The following PHF3 variants were observed in gnomAD, a reference collection of about 807,000 sequenced individuals.
The protein encoded by PHF3 is PHD finger protein 3.
PHF3 carries 41 observed loss-of-function variants against 178.4 expected under a neutral mutation model. The observed-to-expected ratio is 0.23, with a 90% CI of 0.18 to 0.30. PHF3 has a LOEUF of 0.30. Among genes scored for constraint, PHF3 ranks in the 10% least tolerant of loss-of-function variants. The probability of loss-of-function intolerance (pLI) is 1.00; values close to 1 mark genes in which losing one functional copy is unlikely to be tolerated. For missense variants in PHF3, 2,346 were observed against 2,398.1 expected, an observed-to-expected ratio of 0.98 and a Z score of 0.45; for synonymous variants, 842 against 800.5, an observed-to-expected ratio of 1.05 and a Z score of -0.88.
At chr6:63,638,620 G>A (rs1764447807) in intron 1 of PHF3, among the ~76,000 whole-genome samples, 1 of 151,966 alleles carries the variant, frequency 6.6e-6, no homozygotes, top group Admixed American at 6.6e-5. Flanking sequence ...GGATTCTTAG[G>A]GTGCTGATTT....
intron 1 of PHF3, among the ~76,000 whole-genome samples, chr6:63,644,368 A>G (rs1020735462): frequency 1.3e-5 from 2 of 152,136 alleles, no homozygotes; most frequent in African/African-American, 4.8e-5. Context: ...ATTATTTTTA[A>G]TTACCAGAAT....
chr6:63,639,143 AT>A (rs1391580816), intron 1 of PHF3, among the ~76,000 whole-genome samples: 1 of 152,166 alleles, frequency 6.6e-6, no homozygotes, highest in Non-Finnish European at 1.5e-5. Flanking sequence ...GTATTTTAAA[AT>A]TTTATGACTA....
intron 4 of PHF3, among the ~76,000 whole-genome samples, chr6:63,688,765 A>C (rs1053086572): frequency 2.0e-5 from 3 of 152,162 alleles, no homozygotes; most frequent in African/African-American, 7.2e-5. Context: ...TTCCTATTCT[A>C]ATCCTTGTGT....
chr6:63,699,631 G>A (rs1018789670), intron 8 of PHF3, among the ~76,000 whole-genome samples: 2 of 151,940 alleles, frequency 1.3e-5, no homozygotes, highest in Non-Finnish European at 2.9e-5. Context: ...TTGCCCTGTC[G>A]CCCAGGTTGG....
chr6:63,661,715 T>C (rs1384363882), intron 2 of PHF3, among the ~76,000 whole-genome samples: 4 of 152,212 alleles, frequency 2.6e-5, no homozygotes, highest in Non-Finnish European at 5.9e-5. Context: ...AATATATTGA[T>C]AAGAAGATGA....
At chr6:63,676,655 A>G (rs1766178421) in intron 2 of PHF3, among the ~76,000 whole-genome samples, 1 of 152,206 alleles carries the variant, frequency 6.6e-6, no homozygotes, top group Non-Finnish European at 1.5e-5. Context: ...AGATCTTGTT[A>G]TAGGACCCTG....
intron 2 of PHF3, among the ~76,000 whole-genome samples, chr6:63,660,568 T>G (rs1317988463): frequency 1.3e-5 from 2 of 152,128 alleles, no homozygotes; most frequent in Non-Finnish European, 2.9e-5. Context: ...GCTTAAAGTT[T>G]AGTATAGAAA....
chr6:63,635,936 G>C lies in PHF3; in HGVS notation c.-240G>C, dbSNP rs940164392. The C allele has an allele frequency of 2.5e-5, 10 of 397,796 alleles. No homozygotes were observed. Among genetic ancestry groups the C allele is most frequent in the East Asian group, 2.5e-4 (7 of 28,030 alleles). 24.6% of individuals were successfully genotyped at this position (397,796 alleles called of 1,614,324 possible). On this transcript the variant is annotated 5_prime_UTR_variant, in exon 1 of 16. Coordinates refer to ENST00000262043, the MANE Select transcript of PHF3 (RefSeq NM_001370348.2). ...GGCTCAGGGCGGCGGCGGCTGCAACGAGGATTAGGAGGGCGGCGCGGAAGC... is the reference window on the plus strand; with the variant it reads ...GGCTCAGGGCGGCGGCGGCTGCAACCAGGATTAGGAGGGCGGCGCGGAAGC...
chr6:63,687,345 A>C (rs1297854729), intron 4 of PHF3, among the ~76,000 whole-genome samples: 1 of 152,150 alleles, frequency 6.6e-6, no homozygotes, highest in Non-Finnish European at 1.5e-5. Context: ...AATCACTTGA[A>C]CCTGAGAAAT....
intron 11 of PHF3, among the ~76,000 whole-genome samples, chr6:63,704,423 C>G (rs187021904): frequency 6.6e-6 from 1 of 151,486 alleles, no homozygotes; most frequent in African/African-American, 2.4e-5. Flanking sequence ...CCCCCACCAG[C>G]CCCTGGAAAC....
chr6:63,663,937 A>C (rs1256169527), intron 2 of PHF3, among the ~76,000 whole-genome samples: 1 of 152,152 alleles, frequency 6.6e-6, no homozygotes, highest in Non-Finnish European at 1.5e-5. Flanking sequence ...TGTATCTTGA[A>C]AGTTGTATGT....
Position 63,685,729 on chromosome 6 carries a change from C to G in PHF3, c.2007C>G (p.Asn669Lys). ...DKLKLKKPEKNLQPRQRRSSK... is the reference protein window; with the variant it reads ...DKLKLKKPEKKLQPRQRRSSK... ...TGAAACTGAAAAAACCTGAGAAGAACCTACAACCCCGCCAAAGAAGAAGCA... is the reference window on the plus strand; with the variant it reads ...TGAAACTGAAAAAACCTGAGAAGAAGCTACAACCCCGCCAAAGAAGAAGCA... Residue 669 changes from asparagine (N) to lysine (K), a missense_variant, in exon 4 of 16, where the codon AAC becomes AAG. Around this residue, in one of 8 missense-constraint regions of PHF3, gnomAD observed 843 missense variants for 795.2 expected, o/e 1.06. Coordinates refer to ENST00000262043, the MANE Select transcript of PHF3 (RefSeq NM_001370348.2). 1 of 1,614,064 alleles carries G rather than the reference C, an allele frequency of 6.2e-7. No homozygotes were observed. Among genetic ancestry groups the G allele is most frequent in the Non-Finnish European group, 8.5e-7 (1 of 1,180,024 alleles).
intron 14 of PHF3, 55 bp downstream of exon 14, chr6:63,709,295 A>C: frequency 8.4e-7 from 1 of 1,190,698 alleles, no homozygotes; most frequent in Admixed American, 1.8e-5. Context: ...GAAAGTAAAC[A>C]GTTTAGAATT....
chr6:63,708,716 T>C (rs1455031649), intron 13 of PHF3, among the ~76,000 whole-genome samples: 2 of 152,186 alleles, frequency 1.3e-5, no homozygotes, highest in African/African-American at 4.8e-5. Flanking sequence ...TGTGCAAAAA[T>C]ACACTCTGTA....
intron 2 of PHF3, among the ~76,000 whole-genome samples, chr6:63,677,094 G>C (rs907635121): frequency 1.3e-5 from 2 of 152,084 alleles, no homozygotes; most frequent in Non-Finnish European, 1.5e-5. Context: ...GGTAGAATCA[G>C]TGTTTATTTT....
At chr6:63,667,460 C>G (rs1283628286) in intron 2 of PHF3, among the ~76,000 whole-genome samples, 5 of 152,152 alleles carry the variant, frequency 3.3e-5, no homozygotes. Flanking sequence ...ATTAATTTAT[C>G]AGTTTACCAG....
At position 63,712,464 on chromosome 6, in the gene PHF3, G is replaced by A. The variant is rs763863121; in HGVS notation, c.4876G>A (p.Asp1626Asn). ...ATCTAATGTAGGAAAAGGAAACATA[G>A]ATGGTAATGTGAGCTGTAGTGAAAA... The part of the protein sequence containing the change: ...CRSNVGKGNI[D>N]GNVSCSENLV... Residue 1626 changes from aspartate to asparagine, a missense_variant, in exon 16 of 16, where the codon GAT (aspartate) becomes AAT (asparagine). By Grantham distance (23) the Asp-to-Asn change is conservative. Transcript: ENST00000262043. 6.2e-7 allele frequency: 1 copy of A among 1,613,978 alleles called. No homozygotes were observed. Among genetic ancestry groups the A allele is most frequent in the South Asian group, 1.1e-5 (1 of 91,086 alleles).
chr6:63,701,727 C>T (rs1318804098), intron 9 of PHF3, among the ~76,000 whole-genome samples: 1 of 152,068 alleles, frequency 6.6e-6, no homozygotes. Flanking sequence ...GTAATTTCTC[C>T]TCCTCTTATA....
intron 4 of PHF3, among the ~76,000 whole-genome samples, chr6:63,687,118 T>A (rs563680335): frequency 6.6e-5 from 10 of 152,288 alleles, no homozygotes; most frequent in East Asian, 3.9e-4. Flanking sequence ...ATGGTTTTTT[T>A]ATTTAAAACA....
Sources: gnomAD v4.1 joint callset for allele counts (sites outside exome capture counted in the v4.1 genomes callset) on GRCh38, gnomAD v4.1.1 for gene constraint, gnomAD v4.1.1 regional missense constraint, MANE v1.5 for transcripts, NCBI Gene and HGNC (gene_info 2026-07-23, HGNC 2026-07-21) for gene names.